CTTNBP2: variants seen among roughly 807,000 people sequenced by gnomAD.
CTTNBP2 encodes cortactin-binding protein 2.
A neutral mutation model predicts 156.9 loss-of-function variants in CTTNBP2; 108 were observed. The ratio of observed to expected loss-of-function variants is 0.69; its 90% CI spans 0.59 to 0.81. The LOEUF is 0.81. CTTNBP2 is among the 30% of genes least tolerant of loss of function. The pLI is 0.00. For synonymous variants in CTTNBP2, 767 were observed against 751.8 expected, an observed-to-expected ratio of 1.02 and a Z score of -0.33; for missense variants, 1,924 against 2,035.4, an observed-to-expected ratio of 0.95 and a Z score of 1.05.
chr7:117,745,823 G>C lies in CTTNBP2; in HGVS notation c.3535+8C>G, dbSNP rs369545184. 12 of 1,601,148 alleles carry C rather than the reference G, an allele frequency of 7.5e-6. No individual in the cohort carries two copies. The highest frequency in any genetic ancestry group is 1.0e-5 in the Non-Finnish European group (12 of 1,168,406). ...GTTATCACAGGCAATTTGCTGAAAT[G>C]TTCTTACCGCTACTAATGAACAGGT... is the stretch of plus-strand genomic sequence containing the variant. On this transcript the variant is annotated splice_region_variant and intron_variant, in intron 14 of 22. Coordinates refer to ENST00000160373, the MANE Select transcript of CTTNBP2 (RefSeq NM_033427.3).
intron 2 of CTTNBP2, 36 bp from the exon 3 acceptor site, chr7:117,811,025 A>G: frequency 6.9e-7 from 1 of 1,454,000 alleles, no homozygotes; most frequent in Non-Finnish European, 9.6e-7. Flanking sequence ...TGAAGAAAGA[A>G]ATGAAAATAT....
At chr7:117,713,699 T>A (rs1342570969) in intron 22 of CTTNBP2, 2 of 152,228 alleles carry the variant, frequency 1.3e-5, no homozygotes, top group East Asian at 3.8e-4. Context: ...ACTTCCCTGT[T>A]AAAGTCCTAA....
chr7:117,806,744 ATTTTTTTTTTTTTTT>A (rs3059529), intron 3 of CTTNBP2, among the ~76,000 whole-genome samples: 1 of 119,226 alleles, frequency 8.4e-6, no homozygotes, highest in South Asian at 2.6e-4. Flanking sequence ...TCTTTTTCTC[ATTTTTTTTTTTTTTT>A]TTTTTTTTTT....
rs141337164 is a variant in CTTNBP2 at position 117,867,192 on chromosome 7, T to C, written c.82-5876A>G. On this transcript the variant is annotated intron_variant, in intron 1 of 22. Coordinates refer to ENST00000160373, the MANE Select transcript of CTTNBP2 (RefSeq NM_033427.3). The stretch of plus-strand genomic sequence containing the variant: ...TTGCCTTGAGATTATCTTCCCGATT[T>C]CTCTCTCTACAAGGAGGAAAGAATT... 1.7e-3 allele frequency among the ~76,000 whole-genome samples: 252 copies of C among 152,304 alleles called. 1 individual carries two copies. The highest frequency in any genetic ancestry group is 5.7e-3 in the African/African-American group (235 of 41,558).
At chr7:117,818,495 C>T (rs1800757823) in intron 2 of CTTNBP2, among the ~76,000 whole-genome samples, 1 of 152,118 alleles carries the variant, frequency 6.6e-6, no homozygotes, top group South Asian at 2.1e-4. Context: ...AGTACAAACA[C>T]AGAAGCAAGC....
chr7:117,870,418 C>T (rs1804505746), intron 1 of CTTNBP2, among the ~76,000 whole-genome samples: 1 of 152,344 alleles, frequency 6.6e-6, no homozygotes, highest in African/African-American at 2.4e-5. Flanking sequence ...AATACTGTCA[C>T]CTGGAAAACA....
At chr7:117,866,022 C>A (rs1320364592) in intron 1 of CTTNBP2, among the ~76,000 whole-genome samples, 1 of 150,064 alleles carries the variant, frequency 6.7e-6, no homozygotes, top group Non-Finnish European at 1.5e-5. Flanking sequence ...GAAATAATCC[C>A]AAACTCAACT....
intron 8 of CTTNBP2, among the ~76,000 whole-genome samples, chr7:117,775,850 A>G (rs778977323): frequency 2.6e-5 from 4 of 152,160 alleles, no homozygotes; most frequent in Non-Finnish European, 5.9e-5. Context: ...CAAACAAATC[A>G]AGTTCCCAGA....
At chr7:117,821,102 T>C (rs1442248413) in intron 2 of CTTNBP2, among the ~76,000 whole-genome samples, 6 of 152,174 alleles carry the variant, frequency 3.9e-5, no homozygotes, top group Admixed American at 3.9e-4. Flanking sequence ...ACACATTTTA[T>C]AAATTCCTTT....
At chr7:117,719,382 G>A (rs1221427888) in intron 21 of CTTNBP2, 122 bp downstream of exon 21, 1 of 899,604 alleles carries the variant, frequency 1.1e-6, no homozygotes, top group Non-Finnish European at 1.6e-6. Context: ...GGTGAGGGAT[G>A]GTTTGATTTG....
chr7:117,803,083 G>T (rs1331787198), intron 3 of CTTNBP2, among the ~76,000 whole-genome samples: 1 of 152,200 alleles, frequency 6.6e-6, no homozygotes, highest in African/African-American at 2.4e-5. Context: ...GCATGCCTAT[G>T]TTTATCTCAG....
At chr7:117,849,311 A>G (rs1001735014) in intron 2 of CTTNBP2, among the ~76,000 whole-genome samples, 2 of 152,180 alleles carry the variant, frequency 1.3e-5, no homozygotes, top group African/African-American at 4.8e-5. Flanking sequence ...CACCCAGAGG[A>G]CTTGTGGAAA....
chr7:117,721,102 C>T lies in CTTNBP2; in HGVS notation c.4476G>A (p.Leu1492=). The T allele has an allele frequency of 1.2e-6, 2 of 1,606,140 alleles. No individual in the cohort carries two copies. The highest frequency in any genetic ancestry group is 2.7e-5 in the African/African-American group (2 of 74,862). Reference sequence around the variant, plus strand: ...ACAGAGAAGCATTCCTGTTACAATTCAGCTGTGATATAGTCTTATTTTTCA... The same window carrying T: ...ACAGAGAAGCATTCCTGTTACAATTTAGCTGTGATATAGTCTTATTTTTCA... The part of the protein sequence containing the change: ...EGMKNKTISQ[L]NCNRNASLSK... The change falls in exon 20 of 23, where the codon CTG becomes CTA. Residue 1492 remains leucine (L), a synonymous_variant. Transcript: ENST00000160373.
chr7:117,850,158 T>G (rs1802846332), intron 2 of CTTNBP2, among the ~76,000 whole-genome samples: 1 of 152,250 alleles, frequency 6.6e-6, no homozygotes, highest in African/African-American at 2.4e-5. Flanking sequence ...TTTATGTCTC[T>G]TCACCTTGAA....
chr7:117,810,930 C>G lies in CTTNBP2; in HGVS notation c.249G>C (p.Pro83=). Residue 83 remains proline, a synonymous_variant, in exon 3 of 23, where the codon CCG becomes CCC. Transcript: ENST00000160373. ...ERYGRFNLND[P]FLALQRDYEA... ...CATAGTCTCTCTGGAGTGCCAGGAA[C>G]GGGTCATTTAGATTAAATCTCCCAT... The G allele has an allele frequency of 6.2e-7, 1 of 1,614,026 alleles. No homozygotes were observed. The highest frequency in any genetic ancestry group is 8.5e-7 in the Non-Finnish European group (1 of 1,179,986).
At chr7:117,765,396 A>G (rs927928317) in intron 9 of CTTNBP2, among the ~76,000 whole-genome samples, 4 of 152,206 alleles carry the variant, frequency 2.6e-5, no homozygotes, top group African/African-American at 9.7e-5. Context: ...TTTTGCACTC[A>G]GGTATACGAA....
intron 16 of CTTNBP2, among the ~76,000 whole-genome samples, chr7:117,733,456 G>T (rs943188754): frequency 6.6e-6 from 1 of 152,114 alleles, no homozygotes; most frequent in Non-Finnish European, 1.5e-5. Flanking sequence ...AATAAAACTG[G>T]TATCTTTTCT....
chr7:117,845,664 C>A (rs1802538706), intron 2 of CTTNBP2, among the ~76,000 whole-genome samples: 1 of 152,172 alleles, frequency 6.6e-6, no homozygotes, highest in South Asian at 2.1e-4. Flanking sequence ...TTTTTATAAG[C>A]AAATACATTT....
chr7:117,817,333 C>CAAAAAA (rs1165563266), intron 2 of CTTNBP2, among the ~76,000 whole-genome samples: 2 of 27,212 alleles, frequency 7.3e-5, no homozygotes, highest in Non-Finnish European at 1.7e-4. Context: ...GACTCCATCT[C>CAAAAAA]AAAAAAAAAA....
Sources: allele counts gnomAD v4.1 joint callset (sites outside exome capture counted in the v4.1 genomes callset), GRCh38; gene constraint gnomAD v4.1.1; transcripts MANE v1.5; gene names NCBI Gene and HGNC (gene_info 2026-07-23, HGNC 2026-07-21).